Variants in CDC16 observed in about 807,000 individuals in gnomAD.
CDC16 encodes the protein cell division cycle protein 16 homolog.
Under a neutral mutation model 87.0 loss-of-function variants are expected in CDC16, and 34 were observed. That is an observed-to-expected ratio of 0.39 (90% CI 0.30 to 0.52). The LOEUF is 0.52. Ranked by LOEUF, CDC16 falls within the 20% of genes least tolerant of loss-of-function variation. The pLI, the probability that CDC16 is intolerant of heterozygous loss-of-function variation, is 0.74. For missense variants in CDC16, 653 were observed against 751.9 expected (o/e 0.87, Z 1.54); for synonymous variants, 263 against 260.6 (o/e 1.01, Z -0.09).
chr13:114,235,533 A>T (rs1311516383), intron 1 of CDC16, among the ~76,000 whole-genome samples: 1 of 152,240 alleles, frequency 6.6e-6, no homozygotes, highest in African/African-American at 2.4e-5. Flanking sequence ...ATTTAAGTGA[A>T]TAAAGATGTG....
intron 3 of CDC16, 100 bp downstream of exon 3, chr13:114,236,996 A>G (rs1366308225): frequency 1.5e-6 from 1 of 658,600 alleles, no homozygotes; most frequent in Non-Finnish European, 2.4e-6. Context: ...AGCGCTTTGG[A>G]AAGCCAAGGC....
At chr13:114,250,324 C>G (rs1356265030) in intron 11 of CDC16, among the ~76,000 whole-genome samples, 1 of 152,094 alleles carries the variant, frequency 6.6e-6, no homozygotes, top group African/African-American at 2.4e-5. Flanking sequence ...GAAACCCCAT[C>G]TCTACTGTGA....
rs1295662048 is a variant in CDC16, at chr13:114,235,004, C to T, written c.-81C>T. On this transcript the variant is annotated 5_prime_UTR_variant, in exon 1 of 18. The change creates a new upstream start codon in the 5' untranslated region. Coordinates refer to ENST00000356221, the MANE Select transcript of CDC16 (RefSeq NM_001078645.3). ...GCGGCGGCGGCTGCAGGCACGGGCA[C>T]GGGCACGGGGCGGGGTGCTTAGGGT... 7 of 1,144,492 alleles carry T rather than the reference C, an allele frequency of 6.1e-6. No individual in the cohort carries two copies. Among genetic ancestry groups the T allele is most frequent in the East Asian group, 3.2e-5 (1 of 31,090 alleles). The allele number at this position is 1,144,492 out of a possible 1,614,324, so 70.9% of individuals were successfully genotyped here.
rs754954340 is a variant in CDC16, at chr13:114,250,611, C to T, written c.1034C>T (p.Ala345Val). Residue 345 changes from alanine to valine, a missense_variant, in exon 12 of 18, where the codon GCG becomes GTG. Physicochemically the swap from Ala to Val is moderately conservative, Grantham distance 64. Transcript: ENST00000356221. ...PAWIAYGHSF[A>V]VESEHDQAMA... ...TGGATAGCCTATGGACATTCATTTG[C>T]GGTGGAGAGTGAGCACGACCAAGCG... The T allele has an allele frequency of 1.9e-6, 3 of 1,613,820 alleles. No homozygotes were observed. Among genetic ancestry groups the T allele is most frequent in the Non-Finnish European group, 2.5e-6 (3 of 1,179,844 alleles).
In CDC16 at chr13:114,272,628, G is replaced by C; in HGVS notation, c.*185G>C. 2 of 513,214 alleles carry C rather than the reference G, an allele frequency of 3.9e-6. No individual in the cohort carries two copies. The highest frequency in any genetic ancestry group is 3.4e-6 in the Non-Finnish European group (1 of 293,502). The allele number at this position is 513,214 out of a possible 1,614,324, so 31.8% of individuals were successfully genotyped here. A position where few individuals can be genotyped will look rare whatever the true frequency, so the allele number is the denominator to read the frequency against. Reference sequence around the variant, plus strand: ...TGCAACAGATGTGTTCTGATTCTCTGAACCTACAAAATAGTTATACATAGT... The same window carrying C: ...TGCAACAGATGTGTTCTGATTCTCTCAACCTACAAAATAGTTATACATAGT... On this transcript the variant is annotated 3_prime_UTR_variant, in exon 18 of 18. Coordinates refer to ENST00000356221, the MANE Select transcript of CDC16 (RefSeq NM_001078645.3).
intron 9 of CDC16, among the ~76,000 whole-genome samples, chr13:114,245,259 G>T (rs1594580650): frequency 1.4e-5 from 2 of 146,402 alleles, no homozygotes. Flanking sequence ...TGTCAGTTCT[G>T]CCTCCCCCCC....
intron 14 of CDC16, among the ~76,000 whole-genome samples, chr13:114,260,731 G>A (rs2139110428): frequency 6.6e-6 from 1 of 152,282 alleles, no homozygotes; most frequent in African/African-American, 2.4e-5. Context: ...GACTTTATTA[G>A]AAACTGCAGC....
intron 16 of CDC16, among the ~76,000 whole-genome samples, chr13:114,264,599 G>C (rs2083075030): frequency 6.6e-6 from 1 of 151,880 alleles, no homozygotes; most frequent in African/African-American, 2.4e-5. Flanking sequence ...AGAGAACTCT[G>C]TATGGAGATA....
rs2296971 is a variant in CDC16, at chr13:114,239,439, C to T, written c.330C>T (p.Asp110=). 504,732 of 1,611,056 alleles carry T rather than the reference C, an allele frequency of 0.31. 88,423 individuals are homozygous for T. Among genetic ancestry groups the T allele is most frequent in the African/African-American group, 0.76 (56,905 of 74,868 alleles). ...NKRLFEKYLK[D]ESGFKDPSSD... The stretch of plus-strand genomic sequence containing the variant: ...GATTATTTGAAAAATACTTGAAGGA[C>T]GAAAGTGGCTTCAAAGATCCTTCCA... Residue 110 remains aspartate, a synonymous_variant, in exon 5 of 18, where the codon GAC becomes GAT. Coordinates refer to ENST00000356221, the MANE Select transcript of CDC16 (RefSeq NM_001078645.3).
chr13:114,242,845 G>A (rs1046858044), intron 6 of CDC16, among the ~76,000 whole-genome samples: 2 of 152,192 alleles, frequency 1.3e-5, no homozygotes, highest in Non-Finnish European at 2.9e-5. Flanking sequence ...GGCAATGTCT[G>A]GAGATGTTGT....
At chr13:114,257,811 G>T (rs9314908) in intron 13 of CDC16, among the ~76,000 whole-genome samples, 48,132 of 151,884 alleles carry the variant, frequency 0.32, 9,445 homozygotes, top group African/African-American at 0.56. Flanking sequence ...TTTTGAGATG[G>T]AGTCTCGCTG....
rs17338382 is a variant in CDC16, at chr13:114,271,168, G to A, written c.1604-1016G>A. Among the ~76,000 whole-genome samples, 121 of 152,098 alleles carry A rather than the reference G, an allele frequency of 8.0e-4. 4 individuals are homozygous for A. The South Asian group carries it at 0.018, about 23-fold the overall frequency. ...GATCTCCTGACCTCGTGATCCACCC[G>A]CCTCGGCCTCCCAAAGTGCTGGGAT... On this transcript the variant is annotated intron_variant, in intron 17 of 17. Transcript: ENST00000356221.
intron 11 of CDC16, 173 bp downstream of exon 11, chr13:114,247,177 C>T (rs1444640184): frequency 6.9e-6 from 4 of 583,126 alleles, no homozygotes; most frequent in South Asian, 2.1e-5. Flanking sequence ...TTTTCCTTCT[C>T]ACCTCCCCTC....
At position 114,250,305 on chromosome 13, in the gene CDC16, C is replaced by T. The variant is rs17291306; in HGVS notation, c.972-244C>T. Among the ~76,000 whole-genome samples the T allele has an allele frequency of 9.0e-3, 1,369 of 152,144 alleles. 105 individuals are homozygous for T. The East Asian group carries it at 0.19, about 22-fold the overall frequency. On this transcript the variant is annotated intron_variant, in intron 11 of 17. Transcript: ENST00000356221. ...GTCAGGAGTTCAAGACCAGCCTGAC[C>T]GACATGGTGAAACCCCATCTCTACT...
At chr13:114,242,408 A>G in intron 6 of CDC16, 128 bp downstream of exon 6, 1 of 770,876 alleles carries the variant, frequency 1.3e-6, no homozygotes. Flanking sequence ...TCACTTTCTT[A>G]ATGTCTTCAA....
intron 12 of CDC16, among the ~76,000 whole-genome samples, chr13:114,251,237 A>T (rs958741652): frequency 6.6e-6 from 1 of 152,088 alleles, no homozygotes; most frequent in African/African-American, 2.4e-5. Context: ...AGGTAGTGGG[A>T]GTGCAGTGGT....
At chr13:114,267,623 G>A (rs981565764) in intron 17 of CDC16, among the ~76,000 whole-genome samples, 1 of 152,146 alleles carries the variant, frequency 6.6e-6, no homozygotes, top group Non-Finnish European at 1.5e-5. Flanking sequence ...ATTTCTGTGG[G>A]CTTGAAAATG....
Position 114,261,870 on chromosome 13 carries a change from A to G in CDC16, c.1315-17A>G. The G allele has an allele frequency of 6.3e-7, 1 of 1,577,730 alleles. No homozygotes were observed. The highest frequency in any genetic ancestry group is 8.6e-7 in the Non-Finnish European group (1 of 1,158,640). On this transcript the variant is annotated splice_polypyrimidine_tract_variant and intron_variant, in intron 14 of 17. Transcript: ENST00000356221. ...GTGACATATATAACTCGTGGGCTTG[A>G]TGTTGCTATGTTTTAGGTAACAGTT...
At chr13:114,246,375 T>C (rs1380592332) in intron 10 of CDC16, among the ~76,000 whole-genome samples, 1 of 152,174 alleles carries the variant, frequency 6.6e-6, no homozygotes, top group Non-Finnish European at 1.5e-5. Context: ...TCCTAAGAAA[T>C]GTGGATAATT....
Sources: gnomAD v4.1 joint callset for allele counts (sites outside exome capture counted in the v4.1 genomes callset) on GRCh38, gnomAD v4.1.1 for gene constraint, MANE v1.5 for transcripts, NCBI Gene and HGNC (gene_info 2026-07-23, HGNC 2026-07-21) for gene names.